Variants in ETV6 observed in about 807,000 individuals in gnomAD.
The protein encoded by ETV6 is ETS variant transcription factor 6.
A neutral mutation model predicts 51.1 loss-of-function variants in ETV6; 16 were observed. The observed-to-expected ratio is 0.31, with a 90% CI of 0.21 to 0.48. The LOEUF is 0.48. ETV6 is among the 20% of genes least tolerant of loss of function. The probability of loss-of-function intolerance (pLI) is 0.99; values close to 1 mark genes in which losing one functional copy is unlikely to be tolerated. For synonymous variants in ETV6, 240 were observed against 224.1 expected, an observed-to-expected ratio of 1.07 and a Z score of -0.64; for missense variants, 458 against 594.8, an observed-to-expected ratio of 0.77 and a Z score of 2.39.
chr12:11,786,140 T>A (rs1227585741), intron 2 of ETV6, among the ~76,000 whole-genome samples: 2 of 152,186 alleles, frequency 1.3e-5, no homozygotes, highest in African/African-American at 4.8e-5. Context: ...TTTTCAATAC[T>A]CTTGGGATTA....
At chr12:11,806,585 A>G (rs1390232999) in intron 2 of ETV6, among the ~76,000 whole-genome samples, 1 of 152,242 alleles carries the variant, frequency 6.6e-6, no homozygotes, top group Non-Finnish European at 1.5e-5. Flanking sequence ...TTTCATGTTT[A>G]AAAAGTTTCC....
In ETV6 at chr12:11,869,411, C is replaced by T. The variant is rs774274964; in HGVS notation, c.464-13C>T. ...CACTGGGGTCTGTGATTGTCTTTCC[C>T]TCTGCTCCACAGATAACTGTGTCCA... is the stretch of plus-strand genomic sequence containing the variant. On this transcript the variant is annotated splice_polypyrimidine_tract_variant and intron_variant, in intron 4 of 7. Coordinates refer to ENST00000396373, the MANE Select transcript of ETV6 (RefSeq NM_001987.5). The surrounding 1 kb of genome is among the most constrained non-coding windows in gnomAD (Gnocchi z 5.0). 2.5e-6 allele frequency: 4 copies of T among 1,591,352 alleles called. No homozygotes were observed. The highest frequency in any genetic ancestry group is 3.4e-6 in the Non-Finnish European group (4 of 1,167,812).
chr12:11,773,859 CCATT>C (rs939140255), intron 2 of ETV6, among the ~76,000 whole-genome samples: 5 of 152,226 alleles, frequency 3.3e-5, no homozygotes, highest in Non-Finnish European at 5.9e-5. Flanking sequence ...GTTGCAAATG[CCATT>C]GTGGAGGCAT....
chr12:11,667,541 T>TTTC (rs1222691280), intron 1 of ETV6, among the ~76,000 whole-genome samples: 28 of 24,658 alleles, frequency 1.1e-3, no homozygotes, highest in African/African-American at 2.8e-3. Flanking sequence ...TATTTTCTTT[T>TTTC]TTTTTTTTTT....
intron 2 of ETV6, among the ~76,000 whole-genome samples, chr12:11,780,875 TTACG>T (rs1468147975): frequency 2.0e-5 from 3 of 152,248 alleles, no homozygotes; most frequent in African/African-American, 7.2e-5. Flanking sequence ...CATCTTGTTC[TTACG>T]TCCTGTGGAA....
At chr12:11,657,357 A>C (rs374335481) in intron 1 of ETV6, among the ~76,000 whole-genome samples, 1 of 152,266 alleles carries the variant, frequency 6.6e-6, no homozygotes, top group Non-Finnish European at 1.5e-5. Flanking sequence ...ACAGGCAAGA[A>C]TTCAGAAAGC....
At chr12:11,867,927 A>G (rs974736347) in intron 4 of ETV6, among the ~76,000 whole-genome samples, 2 of 152,086 alleles carry the variant, frequency 1.3e-5, no homozygotes, top group East Asian at 3.8e-4. Context: ...GGACTTCTGG[A>G]GCCAGGTGTG....
chr12:11,885,233 C>A lies in ETV6; in HGVS notation c.1152+646C>A, dbSNP rs544304719. 9.2e-5 allele frequency among the ~76,000 whole-genome samples: 14 copies of A among 152,292 alleles called. 1 individual carries two copies. The highest frequency in any genetic ancestry group is 8.5e-4 in the Admixed American group (13 of 15,302). ...GCCTGATGTTGGCATGGTGGCACAA[C>A]CCCAATCCGCTGAGTGAGTGAAAAG... On this transcript the variant is annotated intron_variant, in intron 6 of 7. Coordinates refer to ENST00000396373, the MANE Select transcript of ETV6 (RefSeq NM_001987.5).
chr12:11,789,071 C>T (rs1307421583), intron 2 of ETV6, among the ~76,000 whole-genome samples: 2 of 152,040 alleles, frequency 1.3e-5, no homozygotes, highest in Admixed American at 1.3e-4. Context: ...CTCACATTGT[C>T]GCCCGGACTG....
At chr12:11,887,704 C>T (rs1003167141) in intron 7 of ETV6, among the ~76,000 whole-genome samples, 8 of 150,130 alleles carry the variant, frequency 5.3e-5, no homozygotes, top group East Asian at 2.0e-4. Flanking sequence ...GCTGAGATCG[C>T]GCCACTGCAC....
intron 3 of ETV6, among the ~76,000 whole-genome samples, chr12:11,840,251 C>A (rs1038837420): frequency 6.6e-5 from 10 of 152,318 alleles, no homozygotes; most frequent in African/African-American, 1.9e-4. Context: ...CATTCAGTAA[C>A]AAGCATCTCT....
In ETV6 at chr12:11,894,179, G is replaced by T. The variant is rs1396945429; in HGVS notation, c.*3133G>T. The T allele has an allele frequency of 4.3e-6, 1 of 231,492 alleles. No individual in the cohort carries two copies. Among genetic ancestry groups the T allele is most frequent in the Non-Finnish European group, 8.5e-6 (1 of 117,154 alleles). The allele number at this position is 231,492 out of a possible 1,614,324, so 14.3% of individuals were successfully genotyped here. A position where few individuals can be genotyped will look rare whatever the true frequency, so the allele number is the denominator to read the frequency against. ...TGCTTTCAGAGTTTATATTGTACCT[G>T]CCTAATCCACCCGGCGTGACTCATT... On this transcript the variant is annotated 3_prime_UTR_variant, in exon 8 of 8. Transcript: ENST00000396373.
intron 2 of ETV6, among the ~76,000 whole-genome samples, chr12:11,795,778 C>T (rs963145040): frequency 6.6e-6 from 1 of 152,180 alleles, no homozygotes; most frequent in African/African-American, 2.4e-5. Flanking sequence ...TTCTGAGCAA[C>T]TTGGAAGGTT....
At chr12:11,683,101 T>G (rs1269561342) in intron 1 of ETV6, among the ~76,000 whole-genome samples, 1 of 152,250 alleles carries the variant, frequency 6.6e-6, no homozygotes, top group African/African-American at 2.4e-5. Context: ...TCGCCCAGGC[T>G]TGAATGCAGT....
At chr12:11,789,388 T>C (rs1451281146) in intron 2 of ETV6, among the ~76,000 whole-genome samples, 1 of 152,194 alleles carries the variant, frequency 6.6e-6, no homozygotes, top group Non-Finnish European at 1.5e-5. Context: ...TCATCCGCCC[T>C]GCCTCACTCT....
At chr12:11,678,295 C>G (rs1449896534) in intron 1 of ETV6, among the ~76,000 whole-genome samples, 1 of 152,186 alleles carries the variant, frequency 6.6e-6, no homozygotes, top group Non-Finnish European at 1.5e-5. Flanking sequence ...GGATGCTGAT[C>G]AACTGCCCGA....
intron 7 of ETV6, among the ~76,000 whole-genome samples, chr12:11,887,807 CA>C (rs1316490283): frequency 2.0e-5 from 3 of 151,594 alleles, no homozygotes; most frequent in African/African-American, 7.3e-5. Context: ...CTTTACTCAT[CA>C]GGGGCATCAC....
At chr12:11,660,255 G>A (rs1330498435) in intron 1 of ETV6, among the ~76,000 whole-genome samples, 1 of 152,166 alleles carries the variant, frequency 6.6e-6, no homozygotes, top group African/African-American at 2.4e-5. Flanking sequence ...ACTAATATGT[G>A]GACAAGTAGA....
chr12:11,674,721 C>G (rs2856312), intron 1 of ETV6, among the ~76,000 whole-genome samples: 4,323 of 151,240 alleles, frequency 0.029, 199 homozygotes, highest in African/African-American at 0.099. Flanking sequence ...GCTGCTTCCG[C>G]TGTTTTCCAG....
Sources: allele counts gnomAD v4.1 joint callset (sites outside exome capture counted in the v4.1 genomes callset), GRCh38; gene constraint gnomAD v4.1.1; non-coding constraint Gnocchi (gnomAD v3.1); transcripts MANE v1.5; gene names NCBI Gene and HGNC (gene_info 2026-07-23, HGNC 2026-07-21).